The following HIRA variants were observed in gnomAD, a reference collection of about 807,000 sequenced individuals.
HIRA encodes the protein protein HIRA.
In HIRA, 13 loss-of-function variants were observed where a neutral mutation model predicts 126.6. The ratio of observed to expected loss-of-function variants is 0.10; its 90% CI spans 0.07 to 0.16. HIRA has a LOEUF of 0.16. HIRA is among the 10% of genes least tolerant of loss of function. The probability of loss-of-function intolerance (pLI) is 1.00; values close to 1 mark genes in which losing one functional copy is unlikely to be tolerated. For missense variants in HIRA, 834 were observed against 1,314.4 expected, an observed-to-expected ratio of 0.63 and a Z score of 5.65; for synonymous variants, 511 against 520.0, an observed-to-expected ratio of 0.98 and a Z score of 0.24.
Position 19,397,986 on chromosome 22 carries a change from C to T in HIRA, c.493+6G>A, listed in dbSNP as rs1422357641. 1 of 1,612,236 alleles carries T rather than the reference C, an allele frequency of 6.2e-7. No individual in the cohort carries two copies. Among genetic ancestry groups the T allele is most frequent in the African/African-American group, 1.3e-5 (1 of 74,822 alleles). ...TGCTGTTAACCAGTCAGAGGAGGCCCCAGACCTGGGAACTTTACAGCATTC... is the reference window on the plus strand; with the variant it reads ...TGCTGTTAACCAGTCAGAGGAGGCCTCAGACCTGGGAACTTTACAGCATTC... On this transcript the variant is annotated splice_donor_region_variant and intron_variant, in intron 6 of 24. Coordinates refer to ENST00000263208, the MANE Select transcript of HIRA (RefSeq NM_003325.4).
chr22:19,415,746 G>A (rs933343147), intron 1 of HIRA, among the ~76,000 whole-genome samples: 9 of 152,128 alleles, frequency 5.9e-5, no homozygotes, highest in South Asian at 2.1e-4. Flanking sequence ...CCAATTTTGT[G>A]CCATTGCACT....
At chr22:19,390,932 C>A (rs1464850733) in intron 9 of HIRA, among the ~76,000 whole-genome samples, 1 of 151,616 alleles carries the variant, frequency 6.6e-6, no homozygotes, top group Non-Finnish European at 1.5e-5. Context: ...CTTATCATGT[C>A]CTTGCTGACA....
In HIRA at chr22:19,385,733, G is replaced by A. The variant is rs781242256; in HGVS notation, c.1117C>T (p.Arg373Cys). ...GDPLSEEEKSRIHQSTYGKSL... is the reference protein window; with the variant it reads ...GDPLSEEEKSCIHQSTYGKSL... ...TTGCCATAGGTGGACTGGTGAATGCGGCTCTGGGGAAGCAAGGAGAGGCAT... is the reference window on the plus strand; with the variant it reads ...TTGCCATAGGTGGACTGGTGAATGCAGCTCTGGGGAAGCAAGGAGAGGCAT... Residue 373 changes from arginine to cysteine, a missense_variant, in exon 12 of 25, where the codon CGC becomes TGC. By Grantham distance (180) the Arg-to-Cys change is radical. Around this residue, in one of 5 missense-constraint regions of HIRA, gnomAD observed 153 missense variants for 270.6 expected, o/e 0.57. Transcript: ENST00000263208. 8.7e-6 allele frequency: 14 copies of A among 1,612,966 alleles called. No individual in the cohort carries two copies. Among genetic ancestry groups the A allele is most frequent in the Admixed American group, 5.0e-5 (3 of 59,822 alleles).
chr22:19,377,335 G>T (rs556583998), intron 14 of HIRA, among the ~76,000 whole-genome samples: 1 of 152,210 alleles, frequency 6.6e-6, no homozygotes, highest in Admixed American at 6.5e-5. Flanking sequence ...CTGAGCAAAC[G>T]TTCACTCCTG....
intron 24 of HIRA, among the ~76,000 whole-genome samples, chr22:19,336,714 G>A (rs2088570773): frequency 1.3e-5 from 2 of 152,226 alleles, no homozygotes; most frequent in Non-Finnish European, 2.9e-5. Flanking sequence ...ACATCACCGG[G>A]TTCTTTGCAG....
rs140795453 is a variant in HIRA at position 19,349,221 on chromosome 22, C to T, written c.2937+2137G>A. Among the ~76,000 whole-genome samples the T allele has an allele frequency of 1.1e-4, 16 of 152,200 alleles. No homozygotes were observed. In the East Asian group the frequency reaches 2.9e-3, roughly 28 times the overall value. On this transcript the variant is annotated intron_variant, in intron 24 of 24. Coordinates refer to ENST00000263208, the MANE Select transcript of HIRA (RefSeq NM_003325.4). ...CCCGGTTCAAGCGATTCTCCTGCCTCAGCCTCCCCAGTAGCTGGGATTACA... is the reference window on the plus strand; with the variant it reads ...CCCGGTTCAAGCGATTCTCCTGCCTTAGCCTCCCCAGTAGCTGGGATTACA...
chr22:19,366,263 G>A (rs893922731), intron 15 of HIRA, among the ~76,000 whole-genome samples: 1 of 151,988 alleles, frequency 6.6e-6, no homozygotes, highest in Non-Finnish European at 1.5e-5. Context: ...TTGGGAGGCT[G>A]AGGCAGGAGA....
chr22:19,394,399 C>T lies in HIRA; in HGVS notation c.765G>A (p.Arg255=), dbSNP rs151333452. 2 of 1,614,162 alleles carry T rather than the reference C, an allele frequency of 1.2e-6. No homozygotes were observed. Among genetic ancestry groups the T allele is most frequent in the African/African-American group, 1.3e-5 (1 of 75,040 alleles). The change falls in exon 8 of 25, where the codon CGG becomes CGA. Residue 255 remains arginine (R), a synonymous_variant. Coordinates refer to ENST00000263208, the MANE Select transcript of HIRA (RefSeq NM_003325.4). ...NSGPTAQIIE[R]EGWKTNMDFV... Reference sequence around the variant, plus strand: ...AGTCCATGTTGGTCTTCCATCCCTCCCGTTCGATGATCTGGGCAGTGGGGC... The same window carrying T: ...AGTCCATGTTGGTCTTCCATCCCTCTCGTTCGATGATCTGGGCAGTGGGGC...
chr22:19,338,744 G>A (rs2088594365), intron 24 of HIRA, among the ~76,000 whole-genome samples: 1 of 152,142 alleles, frequency 6.6e-6, no homozygotes, highest in Non-Finnish European at 1.5e-5. Flanking sequence ...AATGATAAAA[G>A]GATCAGTCCA....
chr22:19,391,187 G>A (rs189445486), intron 9 of HIRA, among the ~76,000 whole-genome samples: 36 of 152,294 alleles, frequency 2.4e-4, no homozygotes, highest in Admixed American at 5.9e-4. Context: ...ACTGTTAAGT[G>A]CAGCAACATA....
At chr22:19,411,387 A>C (rs1342586305) in intron 1 of HIRA, among the ~76,000 whole-genome samples, 1 of 152,220 alleles carries the variant, frequency 6.6e-6, no homozygotes. Context: ...CAAAGAGCCC[A>C]GTATGGGCCT....
intron 15 of HIRA, among the ~76,000 whole-genome samples, chr22:19,368,652 G>C (rs2088936433): frequency 6.6e-6 from 1 of 152,086 alleles, no homozygotes; most frequent in South Asian, 2.1e-4. Flanking sequence ...GATCTGAAAG[G>C]GTTTCATGTA....
intron 13 of HIRA, among the ~76,000 whole-genome samples, chr22:19,382,809 G>A (rs2089087863): frequency 1.5e-5 from 2 of 137,242 alleles, no homozygotes; most frequent in South Asian, 4.6e-4. Context: ...ACATCATTTT[G>A]GGAAGAATAA....
At chr22:19,391,424 A>G (rs1303771935) in intron 9 of HIRA, among the ~76,000 whole-genome samples, 1 of 152,162 alleles carries the variant, frequency 6.6e-6, no homozygotes, top group Non-Finnish European at 1.5e-5. Context: ...AACATGTATG[A>G]CAACTCACCA....
At chr22:19,394,906 T>C (rs1470575657) in intron 7 of HIRA, among the ~76,000 whole-genome samples, 1 of 152,224 alleles carries the variant, frequency 6.6e-6, no homozygotes, top group Non-Finnish European at 1.5e-5. Context: ...CCTCAAGATA[T>C]ACTCTGGTGG....
At chr22:19,420,447 C>T (rs996863683) in intron 1 of HIRA, among the ~76,000 whole-genome samples, 1 of 18,812 alleles carries the variant, frequency 5.3e-5, no homozygotes, top group African/African-American at 4.9e-4. Context: ...GCCTGGGCAA[C>T]AAAAAAAACT....
intron 1 of HIRA, among the ~76,000 whole-genome samples, chr22:19,423,341 A>G (rs892414039): frequency 6.6e-6 from 1 of 151,784 alleles, no homozygotes; most frequent in African/African-American, 2.4e-5. Flanking sequence ...TTCCACTTAC[A>G]CAGGAAACCC....
chr22:19,351,046 C>A lies in HIRA; in HGVS notation c.2937+312G>T. The A allele has an allele frequency of 1.3e-6, 1 of 786,612 alleles. No individual in the cohort carries two copies. Among genetic ancestry groups the A allele is most frequent in the African/African-American group, 1.9e-5 (1 of 53,404 alleles). The allele number at this position is 786,612 out of a possible 1,614,324, so 48.7% of individuals were successfully genotyped here. ...GTTTATGTGTGCATCCCTACCAGAC[C>A]GAGCTCCACGAAGGCAGGGAAGTAC... On this transcript the variant is annotated intron_variant, in intron 24 of 24. Coordinates refer to ENST00000263208, the MANE Select transcript of HIRA (RefSeq NM_003325.4). The surrounding 1 kb of genome is among the most constrained non-coding windows in gnomAD (Gnocchi z 4.8).
intron 10 of HIRA, 44 bp downstream of exon 10, chr22:19,388,440 C>A: frequency 6.7e-7 from 1 of 1,481,890 alleles, no homozygotes; most frequent in Non-Finnish European, 9.4e-7. Flanking sequence ...CAATGTGTGG[C>A]TTCTCCTTTC....
Sources: gnomAD v4.1 joint callset for allele counts (sites outside exome capture counted in the v4.1 genomes callset) on GRCh38, gnomAD v4.1.1 for gene constraint, gnomAD v4.1.1 regional missense constraint, Gnocchi (gnomAD v3.1) non-coding constraint, MANE v1.5 for transcripts, NCBI Gene and HGNC (gene_info 2026-07-23, HGNC 2026-07-21) for gene names.